The following ZNF544 variants were observed in gnomAD, a reference collection of about 807,000 sequenced individuals.
ZNF544 encodes zinc finger protein 544, also known as zinc finger protein AF020591.
A neutral mutation model predicts 13.5 loss-of-function variants in ZNF544; 10 were observed. The observed-to-expected ratio is 0.74, with a 90% CI of 0.46 to 1.25. The LOEUF (loss-of-function observed/expected upper bound fraction) is 1.25. ZNF544 is among the 50% of genes most tolerant of loss of function. The probability of loss-of-function intolerance (pLI) is 0.00; values close to 1 mark genes in which losing one functional copy is unlikely to be tolerated. For synonymous variants in ZNF544, 323 were observed against 300.5 expected (o/e 1.07, Z -0.77); for missense variants, 896 against 845.6 (o/e 1.06, Z -0.74).
chr19:58,271,216 A>G (rs76364451), intron 5 of ZNF544, among the ~76,000 whole-genome samples: 6 of 131,920 alleles, frequency 4.5e-5, no homozygotes, highest in African/African-American at 1.2e-4. Context: ...CGTCTCCAGG[A>G]AAAAAAAAAA....
At chr19:58,244,791 G>C (rs2044720885) in intron 4 of ZNF544, among the ~76,000 whole-genome samples, 1 of 152,024 alleles carries the variant, frequency 6.6e-6, no homozygotes, top group South Asian at 2.1e-4. Flanking sequence ...TGCTCAGGCT[G>C]GTCTCAAACT....
At chr19:58,274,862 A>G (rs2051096582) in intron 5 of ZNF544, among the ~76,000 whole-genome samples, 1 of 151,808 alleles carries the variant, frequency 6.6e-6, no homozygotes, top group Admixed American at 6.6e-5. Context: ...TCCTATGAAA[A>G]TGAGAGAGGA....
chr19:58,243,925 GGAGC>G, intron 3 of ZNF544, 36 bp from the exon 4 acceptor site: 1 of 1,485,082 alleles, frequency 6.7e-7, no homozygotes, highest in Non-Finnish European at 9.0e-7. Context: ...GAGGTTTGCA[GGAGC>G]CGAGGGGCTG....
At chr19:58,239,909 A>AG in intron 3 of ZNF544, among the ~76,000 whole-genome samples, 1 of 152,048 alleles carries the variant, frequency 6.6e-6, no homozygotes. Context: ...AAAAAAAAAA[A>AG]AAAAATTACA....
downstream of ZNF544, among the ~76,000 whole-genome samples, chr19:58,266,193 G>A (rs1231693469): frequency 1.9e-5 from 2 of 107,060 alleles, no homozygotes; most frequent in African/African-American, 3.6e-5. Context: ...GCAAAAAAGC[G>A]AAAAGCGAGA....
intron 3 of ZNF544, among the ~76,000 whole-genome samples, chr19:58,239,546 A>G (rs144445606): frequency 1.2e-4 from 19 of 152,344 alleles, no homozygotes; most frequent in Non-Finnish European, 2.4e-4. Flanking sequence ...AGATGGACTC[A>G]GAACTCTGAA....
intron 3 of ZNF544, among the ~76,000 whole-genome samples, chr19:58,232,944 C>G (rs1247407635): frequency 3.0e-5 from 2 of 66,244 alleles, no homozygotes; most frequent in African/African-American, 6.4e-5. Flanking sequence ...GAGACTCCAT[C>G]TCAAAAAAAA....
At chr19:58,269,969 T>C (rs1375324983) in intron 5 of ZNF544, among the ~76,000 whole-genome samples, 1 of 152,150 alleles carries the variant, frequency 6.6e-6, no homozygotes, top group Non-Finnish European at 1.5e-5. Context: ...AAAATAGTTT[T>C]GAATCTAAGA....
chr19:58,267,503 A>T (rs2050066278), downstream of ZNF544: 1 of 150,440 alleles, frequency 6.6e-6, no homozygotes, highest in African/African-American at 2.4e-5. Context: ...GGTCGAGACC[A>T]GCCTGATCAA....
intron 6 of ZNF544, among the ~76,000 whole-genome samples, chr19:58,252,343 T>C (rs2046420988): frequency 6.6e-6 from 1 of 152,194 alleles, no homozygotes; most frequent in Admixed American, 6.5e-5. Flanking sequence ...GCCTGGACTT[T>C]CTGACTTGTC....
rs1471041927 is a variant in ZNF544, at chr19:58,262,717, T to C, written c.2111T>C (p.Val704Ala). Residue 704 changes from valine (V) to alanine (A), a missense_variant, in exon 7 of 7, where the codon GTA becomes GCA. Transcript: ENST00000687789. ...TCCTTCCGGCAGCAATCTCAACTTG[T>C]AGTGCATCGGCGGACACATACTGGA... ...GKSFRQQSQL[V>A]VHRRTHTGEK... 1.9e-5 allele frequency: 30 copies of C among 1,609,862 alleles called. No individual in the cohort carries two copies. The highest frequency in any genetic ancestry group is 3.3e-5 in the Admixed American group (2 of 59,832).
chr19:58,260,735 T>G (rs781003572), intron 6 of ZNF544, 116 bp from the exon 7 acceptor site: 3 of 961,344 alleles, frequency 3.1e-6, no homozygotes, highest in Non-Finnish European at 4.5e-6. Context: ...GATTACAGTT[T>G]GTAGTTTGGA....
intron 4 of ZNF544, among the ~76,000 whole-genome samples, chr19:58,244,507 T>C (rs1301504835): frequency 6.6e-6 from 1 of 152,086 alleles, no homozygotes; most frequent in Non-Finnish European, 1.5e-5. Flanking sequence ...AGACAGCCGT[T>C]GTCCGACTGT....
chr19:58,230,983 G>A (rs1212823765), intron 3 of ZNF544, among the ~76,000 whole-genome samples: 1 of 152,172 alleles, frequency 6.6e-6, no homozygotes, highest in Non-Finnish European at 1.5e-5. Flanking sequence ...GGGGACTGAA[G>A]TAGGGTGTGA....
chr19:58,251,291 G>A lies in ZNF544; in HGVS notation c.244+4497G>A, dbSNP rs767964388. The A allele has an allele frequency of 1.3e-5, 7 of 518,784 alleles. No individual in the cohort carries two copies. In the East Asian group the frequency reaches 2.2e-4, roughly 16 times the overall value. The allele number at this position is 518,784 out of a possible 1,614,324, so 32.1% of individuals were successfully genotyped here. The stretch of plus-strand genomic sequence containing the variant: ...GTTGGTAGGCTTTTACTTATCTTTT[G>A]GCTGTCTTTTAAACAGGTACTTCAG... On this transcript the variant is annotated intron_variant, in intron 6 of 6. Coordinates refer to ENST00000687789, the MANE Select transcript of ZNF544 (RefSeq NM_014480.4).
chr19:58,254,092 C>T (rs1384512116), intron 6 of ZNF544, among the ~76,000 whole-genome samples: 7 of 152,008 alleles, frequency 4.6e-5, no homozygotes, highest in Non-Finnish European at 7.4e-5. Flanking sequence ...GGCCTGGTGG[C>T]GGGCACCTGT....
At chr19:58,232,086 T>C (rs2041361797) in intron 3 of ZNF544, among the ~76,000 whole-genome samples, 1 of 151,890 alleles carries the variant, frequency 6.6e-6, no homozygotes, top group South Asian at 2.1e-4. Context: ...ATACAAAATA[T>C]AATATGTAAT....
chr19:58,271,283 T>C (rs1333384391), intron 5 of ZNF544, among the ~76,000 whole-genome samples: 2 of 150,536 alleles, frequency 1.3e-5, no homozygotes, highest in African/African-American at 2.4e-5. Flanking sequence ...CAAGAAGAAT[T>C]GGAACAGATA....
chr19:58,251,949 T>C (rs568047408), intron 6 of ZNF544, among the ~76,000 whole-genome samples: 1 of 152,324 alleles, frequency 6.6e-6, no homozygotes, highest in East Asian at 1.9e-4. Context: ...TGGGCTGTTA[T>C]CACTTTGGAG....
Sources: allele counts gnomAD v4.1 joint callset (sites outside exome capture counted in the v4.1 genomes callset), GRCh38; gene constraint gnomAD v4.1.1; transcripts MANE v1.5; gene names NCBI Gene and HGNC (gene_info 2026-07-23, HGNC 2026-07-21).